Variants in QRSL1 observed in about 807,000 individuals in gnomAD.
QRSL1 encodes glutaminyl-tRNA amidotransferase subunit QRSL1.
Under a neutral mutation model 61.6 loss-of-function variants are expected in QRSL1, and 54 were observed. The observed-to-expected ratio is 0.88, with a 90% confidence interval of 0.70 to 1.10. The LOEUF (loss-of-function observed/expected upper bound fraction) is 1.10. QRSL1 is among the 50% of genes least tolerant of loss of function. The pLI is 0.00. For synonymous variants in QRSL1, 228 were observed against 225.7 expected (o/e 1.01, Z -0.09); for missense variants, 505 against 622.6 (o/e 0.81, Z 2.01).
chr6:106,648,904 C>G (rs1777153406), intron 4 of QRSL1, 121 bp from the exon 5 acceptor site: 1 of 967,024 alleles, frequency 1.0e-6, no homozygotes, highest in Admixed American at 2.9e-5. Flanking sequence ...TTTTTCAATT[C>G]AAGCTACAGT....
At chr6:106,665,365 C>T (rs1582423737) in intron 10 of QRSL1, among the ~76,000 whole-genome samples, 1 of 152,272 alleles carries the variant, frequency 6.6e-6, no homozygotes, top group African/African-American at 2.4e-5. Context: ...ATTACATATG[C>T]ATTTGTCGTT....
At chr6:106,665,725 G>C (rs958212826) in intron 10 of QRSL1, 57 bp from the exon 11 acceptor site, 1 of 1,438,950 alleles carries the variant, frequency 6.9e-7, no homozygotes, top group African/African-American at 1.4e-5. Flanking sequence ...AGTGGAAGAG[G>C]TCTCTGCTAA....
intron 9 of QRSL1, among the ~76,000 whole-genome samples, chr6:106,659,256 G>A (rs1473255382): frequency 1.3e-5 from 2 of 152,212 alleles, no homozygotes; most frequent in East Asian, 3.9e-4. Flanking sequence ...CTTGAGGTCA[G>A]GAGTTCGAGA....
At chr6:106,665,354 A>C (rs1307354102) in intron 10 of QRSL1, among the ~76,000 whole-genome samples, 1 of 152,222 alleles carries the variant, frequency 6.6e-6, no homozygotes, top group Non-Finnish European at 1.5e-5. Context: ...TGCAATATCT[A>C]ATTACATATG....
At chr6:106,654,962 G>A (rs369163215) in intron 8 of QRSL1, 40 bp downstream of exon 8, 54 of 1,487,242 alleles carry the variant, frequency 3.6e-5, no homozygotes, top group East Asian at 3.5e-4. Flanking sequence ...GGTAGTTGTC[G>A]CAAACATTTG....
In QRSL1 at chr6:106,658,123, CT is replaced by C. The variant is rs538861472; in HGVS notation, c.1160+2399del. On this transcript the variant is annotated intron_variant, in intron 9 of 10. Coordinates refer to ENST00000369046, the MANE Select transcript of QRSL1 (RefSeq NM_018292.5). ...TTTTTTCTTTTAACCTTTTCTTCTG[CT>C]TTTTTTTCTTTAAATAGTAATTTTT... 9.9e-5 allele frequency among the ~76,000 whole-genome samples: 15 copies of C among 151,816 alleles called. No homozygotes were observed. In the South Asian group the frequency reaches 1.5e-3, roughly 15 times the overall value.
At chr6:106,638,367 C>T (rs1186953905) in intron 1 of QRSL1, among the ~76,000 whole-genome samples, 1 of 152,160 alleles carries the variant, frequency 6.6e-6, no homozygotes, top group Non-Finnish European at 1.5e-5. Context: ...TGCATTGGCA[C>T]GATCTCACCT....
At chr6:106,640,983 G>T (rs1777010463) in intron 3 of QRSL1, 62 bp downstream of exon 3, 2 of 1,158,378 alleles carry the variant, frequency 1.7e-6, no homozygotes, top group Non-Finnish European at 2.6e-6. Context: ...TCGCTTTAAG[G>T]ATAATAAAGT....
At position 106,652,305 on chromosome 6, in the gene QRSL1, T is replaced by A; in HGVS notation, c.654T>A (p.His218Gln). ...CAAGCTATGGCTTAGTTTCCCGTCA[T>A]GGTCTCATTCCCCTGGTGAATTCGA... is the stretch of plus-strand genomic sequence containing the variant. ...FKPSYGLVSR[H>Q]GLIPLVNSMD... The change falls in exon 6 of 11, where the codon CAT becomes CAA. Residue 218 changes from histidine to glutamine, a missense_variant. Physicochemically the swap from His to Gln is conservative, Grantham distance 24. Transcript: ENST00000369046. The A allele has an allele frequency of 6.2e-7, 1 of 1,614,216 alleles. No individual in the cohort carries two copies. The highest frequency in any genetic ancestry group is 1.1e-5 in the South Asian group (1 of 91,088).
Position 106,665,763 on chromosome 6 carries a change from G to C in QRSL1, c.1367-19G>C, listed in dbSNP as rs774892031. ...AGGGTGGAGAATTAATCACCTACTG[G>C]GTTTCCTTCTTTTCCCAGGATTGCC... On this transcript the variant is annotated intron_variant, in intron 10 of 10. Transcript: ENST00000369046. 6.2e-7 allele frequency: 1 copy of C among 1,605,988 alleles called. No individual in the cohort carries two copies. Among genetic ancestry groups the C allele is most frequent in the Admixed American group, 1.7e-5 (1 of 59,984 alleles).
rs1287721520 is a variant in QRSL1 at position 106,629,601 on chromosome 6, C to G, written c.-81C>G. The G allele has an allele frequency of 2.0e-6, 3 of 1,518,888 alleles. No individual in the cohort carries two copies. Among genetic ancestry groups the G allele is most frequent in the African/African-American group, 1.4e-5 (1 of 71,994 alleles). The allele number at this position is 1,518,888 out of a possible 1,614,324, so 94.1% of individuals were successfully genotyped here. On this transcript the variant is annotated 5_prime_UTR_variant, in exon 1 of 11. Coordinates refer to ENST00000369046, the MANE Select transcript of QRSL1 (RefSeq NM_018292.5). The stretch of plus-strand genomic sequence containing the variant: ...TCAGTGACAATTAAAGATGGCTGCG[C>G]CCATGTAACATCACTAGCGACCGGT...
intron 9 of QRSL1, among the ~76,000 whole-genome samples, chr6:106,658,508 C>G (rs1337839331): frequency 6.6e-6 from 1 of 151,926 alleles, no homozygotes; most frequent in Admixed American, 6.6e-5. Flanking sequence ...GAGCTATAAT[C>G]GCACCGCTGC....
rs1442129343 is a variant in QRSL1, at chr6:106,655,648, C to G, written c.1076C>G (p.Ala359Gly). 1.2e-6 allele frequency: 2 copies of G among 1,612,882 alleles called. No homozygotes were observed. The highest frequency in any genetic ancestry group is 1.7e-6 in the Non-Finnish European group (2 of 1,179,418). ...TGTGACATTGATGTGTCCACTGAAGCCATGTATGCTGCAACCAGACGAGAA... is the reference window on the plus strand; with the variant it reads ...TGTGACATTGATGTGTCCACTGAAGGCATGTATGCTGCAACCAGACGAGAA... Reference protein sequence around the residue: ...HRCDIDVSTEAMYAATRREGF... With the variant: ...HRCDIDVSTEGMYAATRREGF... Residue 359 changes from alanine (A) to glycine (G), a missense_variant, in exon 9 of 11, where the codon GCC becomes GGC. Coordinates refer to ENST00000369046, the MANE Select transcript of QRSL1 (RefSeq NM_018292.5).
At chr6:106,661,686 CTTTTTTTTTTTTT>C (rs572306794) in intron 9 of QRSL1, among the ~76,000 whole-genome samples, 3 of 55,072 alleles carry the variant, frequency 5.4e-5, no homozygotes, top group Admixed American at 3.3e-4. Flanking sequence ...ATGGTTAGTT[CTTTTTTTTTTTTT>C]TTTTTTTTTT....
intron 1 of QRSL1, among the ~76,000 whole-genome samples, chr6:106,632,544 A>G (rs1441077250): frequency 6.6e-6 from 1 of 151,454 alleles, no homozygotes; most frequent in Non-Finnish European, 1.5e-5. Context: ...TTTTTAAGGC[A>G]CCTCCATACT....
At chr6:106,654,580 T>A in intron 7 of QRSL1, 150 bp from the exon 8 acceptor site, 1 of 651,658 alleles carries the variant, frequency 1.5e-6, no homozygotes. Context: ...TCTTTCTAGC[T>A]ACCTACCAGC....
Position 106,629,655 on chromosome 6 carries a change from T to TGTGGTGGCAGGCTGGGCACGAGGACC in QRSL1, c.-26_-1dup, listed in dbSNP as rs747070229. The TGTGGTGGCAGGCTGGGCACGAGGACC allele has an allele frequency of 6.3e-6, 10 of 1,599,184 alleles. No homozygotes were observed. In the Admixed American group the frequency reaches 8.6e-5, roughly 14 times the overall value. Reference sequence around the variant, plus strand: ...CTCTTTTTCCCCCTTGCCTGGCTCCTGTGGTGGCAGGCTGGGCACGAGGAC... The same window carrying TGTGGTGGCAGGCTGGGCACGAGGACC: ...CTCTTTTTCCCCCTTGCCTGGCTCCTGTGGTGGCAGGCTGGGCACGAGGACCGTGGTGGCAGGCTGGGCACGAGGAC... On this transcript the variant is annotated 5_prime_UTR_variant, in exon 1 of 11. Coordinates refer to ENST00000369046, the MANE Select transcript of QRSL1 (RefSeq NM_018292.5).
rs1235547775 is a variant in QRSL1 at position 106,655,653 on chromosome 6, T to C, written c.1081T>C (p.Tyr361His). The C allele has an allele frequency of 6.2e-7, 1 of 1,613,498 alleles. No homozygotes were observed. The highest frequency in any genetic ancestry group is 1.3e-5 in the African/African-American group (1 of 75,042). The change falls in exon 9 of 11, where the codon TAT becomes CAT. Residue 361 changes from tyrosine to histidine, a missense_variant. Transcript: ENST00000369046. ...CATTGATGTGTCCACTGAAGCCATG[T>C]ATGCTGCAACCAGACGAGAAGGGTT... ...CDIDVSTEAM[Y>H]AATRREGFND...
chr6:106,641,706 T>C (rs1777022507), intron 3 of QRSL1, among the ~76,000 whole-genome samples: 1 of 152,172 alleles, frequency 6.6e-6, no homozygotes, highest in African/African-American at 2.4e-5. Context: ...CTAGAGAAAA[T>C]TTTAGTTGAA....
Sources: gnomAD v4.1 joint callset for allele counts (sites outside exome capture counted in the v4.1 genomes callset) on GRCh38, gnomAD v4.1.1 for gene constraint, MANE v1.5 for transcripts, NCBI Gene and HGNC (gene_info 2026-07-23, HGNC 2026-07-21) for gene names.